The following MSH3 variants were observed in gnomAD, a reference collection of about 807,000 sequenced individuals.
The protein encoded by MSH3 is DNA mismatch repair protein Msh3.
Under a neutral mutation model 123.3 loss-of-function variants are expected in MSH3, and 106 were observed. The ratio of observed to expected loss-of-function variants is 0.86; its 90% confidence interval spans 0.73 to 1.01. The LOEUF is 1.01. Among genes scored for constraint, MSH3 ranks in the 50% least tolerant of loss-of-function variants. The pLI is 0.00. For synonymous variants in MSH3, 515 were observed against 481.4 expected, an observed-to-expected ratio of 1.07 and a Z score of -0.91; for missense variants, 1,459 against 1,347.6, an observed-to-expected ratio of 1.08 and a Z score of -1.29.
intron 12 of MSH3, among the ~76,000 whole-genome samples, chr5:80,748,561 A>G (rs1743765157): frequency 6.6e-6 from 1 of 152,122 alleles, no homozygotes; most frequent in African/African-American, 2.4e-5. Context: ...TGTTTTTTAA[A>G]TAAATGCATG....
intron 20 of MSH3, among the ~76,000 whole-genome samples, chr5:80,818,988 GA>G (rs2112062448): frequency 6.6e-6 from 1 of 152,230 alleles, no homozygotes; most frequent in African/African-American, 2.4e-5. Context: ...TCAGTGCATT[GA>G]ATTGCAATTA....
chr5:80,793,648 T>C (rs1376113991), intron 19 of MSH3, among the ~76,000 whole-genome samples: 2 of 152,148 alleles, frequency 1.3e-5, no homozygotes, highest in African/African-American at 4.8e-5. Flanking sequence ...AAGTGAAGCA[T>C]AGCAGGAGGA....
intron 8 of MSH3, among the ~76,000 whole-genome samples, chr5:80,690,728 G>A (rs1426226513): frequency 1.3e-5 from 2 of 152,076 alleles, no homozygotes. Context: ...AGAAACTGAA[G>A]CACGTAGCAA....
At chr5:80,869,669 G>C (rs1198031192) in intron 22 of MSH3, among the ~76,000 whole-genome samples, 1 of 151,564 alleles carries the variant, frequency 6.6e-6, no homozygotes, top group African/African-American at 2.4e-5. Flanking sequence ...AAGGTATTCA[G>C]AGCAGTGAAA....
At chr5:80,778,950 G>T in intron 17 of MSH3, 114 bp downstream of exon 17, 7 of 659,136 alleles carry the variant, frequency 1.1e-5, no homozygotes, top group East Asian at 8.3e-5. Flanking sequence ...CCATAAAATA[G>T]TTGAGTACAT....
chr5:80,794,453 T>C (rs1744664185), intron 19 of MSH3, among the ~76,000 whole-genome samples: 1 of 152,138 alleles, frequency 6.6e-6, no homozygotes, highest in South Asian at 2.1e-4. Context: ...AGAAGAGGGC[T>C]CAGAGAAAAA....
At chr5:80,800,107 C>T (rs2112035742) in intron 19 of MSH3, among the ~76,000 whole-genome samples, 1 of 152,328 alleles carries the variant, frequency 6.6e-6, no homozygotes, top group East Asian at 1.9e-4. Flanking sequence ...GCTATTCAGA[C>T]AGATATTGCC....
Position 80,728,894 on chromosome 5 carries a change from G to A in MSH3, c.1497G>A (p.Val499=), listed in dbSNP as rs1743353189. 6.2e-7 allele frequency: 1 copy of A among 1,612,440 alleles called. No homozygotes were observed. The highest frequency in any genetic ancestry group is 1.1e-5 in the South Asian group (1 of 91,016). Residue 499 remains valine (V), a synonymous_variant, in exon 10 of 24, where the codon GTG becomes GTA. Transcript: ENST00000265081. The part of the protein sequence containing the change: ...ISGIVNLEKP[V]ICSLAAIIKY... ...GCATTGTTAACTTAGAGAAGCCTGT[G>A]ATTTGCTCTTTGGCTGCCATCATAA...
intron 13 of MSH3, among the ~76,000 whole-genome samples, chr5:80,766,408 C>T (rs1187644719): frequency 2.1e-5 from 3 of 142,440 alleles, no homozygotes; most frequent in African/African-American, 5.3e-5. Flanking sequence ...TGCAGTGGCA[C>T]GATCTCGGCT....
chr5:80,763,212 A>G (rs946594358), intron 13 of MSH3, among the ~76,000 whole-genome samples: 2 of 151,860 alleles, frequency 1.3e-5, no homozygotes, highest in African/African-American at 4.8e-5. Flanking sequence ...ATCCCCTTTT[A>G]CCCCCACAGA....
At chr5:80,806,553 T>C (rs1744895049) in intron 19 of MSH3, among the ~76,000 whole-genome samples, 1 of 152,218 alleles carries the variant, frequency 6.6e-6, no homozygotes, top group South Asian at 2.1e-4. Flanking sequence ...TTTATGGGGC[T>C]GTTCTGAACT....
chr5:80,706,573 T>C (rs1750727808), intron 8 of MSH3, among the ~76,000 whole-genome samples: 1 of 152,230 alleles, frequency 6.6e-6, no homozygotes, highest in Non-Finnish European at 1.5e-5. Context: ...AGATTTACCA[T>C]GTGTTAGGAT....
intron 19 of MSH3, among the ~76,000 whole-genome samples, chr5:80,799,027 T>G (rs1222795581): frequency 6.6e-6 from 1 of 152,190 alleles, no homozygotes; most frequent in Non-Finnish European, 1.5e-5. Flanking sequence ...GGTAGGAGAT[T>G]TAAATTAAAA....
rs1371298411 is a variant in MSH3, at chr5:80,693,654, C to CAT, written c.1340+14572_1340+14573dup. 2.3e-3 allele frequency among the ~76,000 whole-genome samples: 336 copies of CAT among 149,276 alleles called. 3 individuals carry two copies. Among genetic ancestry groups the CAT allele is most frequent in the African/African-American group, 5.9e-3 (240 of 40,420 alleles). On this transcript the variant is annotated intron_variant, in intron 8 of 23. Coordinates refer to ENST00000265081, the MANE Select transcript of MSH3 (RefSeq NM_002439.5). ...ACACACACACACACACACACAAACA[C>CAT]ATATATATATATGTTTTTTGGAGAT...
In MSH3 at chr5:80,876,103, T is replaced by C; in HGVS notation, c.*241T>C. On this transcript the variant is annotated 3_prime_UTR_variant, in exon 24 of 24. Coordinates refer to ENST00000265081, the MANE Select transcript of MSH3 (RefSeq NM_002439.5). ...TCCACTTTGTAATTAGAAAATTTTA[T>C]GGACAGTAAGTCCAGTAAAGCCTTA... 4.1e-6 allele frequency: 2 copies of C among 490,694 alleles called. No homozygotes were observed. The highest frequency in any genetic ancestry group is 7.2e-6 in the Non-Finnish European group (2 of 276,856). 30.4% of individuals were successfully genotyped at this position (490,694 alleles called of 1,614,324 possible). A position where few individuals can be genotyped will look rare whatever the true frequency, so the allele number is the denominator to read the frequency against.
intron 17 of MSH3, among the ~76,000 whole-genome samples, chr5:80,779,640 T>G (rs1372127052): frequency 6.7e-6 from 1 of 150,330 alleles, no homozygotes. Flanking sequence ...AAGCTCTGCC[T>G]CCCGAGTTCT....
chr5:80,726,223 G>A lies in MSH3; in HGVS notation c.1453+658G>A, dbSNP rs576601635. Reference sequence around the variant, plus strand: ...TTAGGGTCCATTTTGTGGATGGTGAGGTGAATAGACATTTTCCCTCTTGGC... The same window carrying A: ...TTAGGGTCCATTTTGTGGATGGTGAAGTGAATAGACATTTTCCCTCTTGGC... On this transcript the variant is annotated intron_variant, in intron 9 of 23. Transcript: ENST00000265081. 4.6e-5 allele frequency among the ~76,000 whole-genome samples: 7 copies of A among 152,254 alleles called. No individual in the cohort carries two copies. In the East Asian group the frequency reaches 1.4e-3, roughly 29 times the overall value.
chr5:80,741,630 T>A (rs1380521549), intron 11 of MSH3, 82 bp downstream of exon 11: 1 of 969,886 alleles, frequency 1.0e-6, no homozygotes, highest in Non-Finnish European at 1.7e-6. Context: ...TTTTTAGAGG[T>A]ACAGGTGAAA....
Position 80,665,263 on chromosome 5 carries a change from T to A in MSH3, c.479T>A (p.Phe160Tyr), listed in dbSNP as rs989487112. Residue 160 changes from phenylalanine (F) to tyrosine (Y), a missense_variant, in exon 3 of 24, where the codon TTT becomes TAT. Phe to Tyr is a conservative substitution (Grantham distance 22). Transcript: ENST00000265081. The part of the protein sequence containing the change: ...RVQTESLQER[F>Y]AVLPKCTDFD... ...CAGACAGAATCTCTGCAGGAGAGAT[T>A]TGCAGTTCTGCCAAAATGTACTGAT... 2 of 1,613,964 alleles carry A rather than the reference T, an allele frequency of 1.2e-6. No homozygotes were observed. Among genetic ancestry groups the A allele is most frequent in the Admixed American group, 1.7e-5 (1 of 60,014 alleles).
Sources: allele counts gnomAD v4.1 joint callset (sites outside exome capture counted in the v4.1 genomes callset), GRCh38; gene constraint gnomAD v4.1.1; transcripts MANE v1.5; gene names NCBI Gene and HGNC (gene_info 2026-07-23, HGNC 2026-07-21).